The following KMT2A variants were observed in gnomAD, a reference collection of about 807,000 sequenced individuals.
KMT2A encodes the protein histone-lysine N-methyltransferase 2A.
In KMT2A, 16 loss-of-function variants were observed where a neutral mutation model predicts 345.3. The observed-to-expected ratio is 0.05, with a 90% confidence interval of 0.03 to 0.07. The LOEUF (loss-of-function observed/expected upper bound fraction) is 0.07. Among genes scored for constraint, KMT2A ranks in the 10% least tolerant of loss-of-function variants. The pLI is 1.00. For missense variants in KMT2A, 3,272 were observed against 4,841.6 expected, an observed-to-expected ratio of 0.68 and a Z score of 9.62; for synonymous variants, 1,599 against 1,778.6, an observed-to-expected ratio of 0.90 and a Z score of 2.54.
In KMT2A at chr11:118,476,714, A is replaced by C. The variant is rs1555037586; in HGVS notation, c.3157-91A>C. 1 of 1,002,158 alleles carries C rather than the reference A, an allele frequency of 1.0e-6. No homozygotes were observed. Among genetic ancestry groups the C allele is most frequent in the African/African-American group, 1.6e-5 (1 of 61,674 alleles). 62.1% of individuals were successfully genotyped at this position (1,002,158 alleles called of 1,614,324 possible). ...GAGTTGTGTGTTTTGATTCTAAATC[A>C]TACTGAAATTGATTAAGTATACCTT... On this transcript the variant is annotated intron_variant, in intron 3 of 35. Coordinates refer to ENST00000534358, the MANE Select transcript of KMT2A (RefSeq NM_001197104.2). This position sits in a 1 kb window ranked among gnomAD's most constrained non-coding sequence, Gnocchi z 4.1.
intron 1 of KMT2A, among the ~76,000 whole-genome samples, chr11:118,439,643 TA>T (rs1949274726): frequency 6.6e-6 from 1 of 152,268 alleles, no homozygotes; most frequent in Non-Finnish European, 1.5e-5. Context: ...GTATATAATG[TA>T]AAGCCTGTCA....
In KMT2A at chr11:118,504,732, A is replaced by C. The variant is rs782430428; in HGVS notation, c.8840A>C (p.Gln2947Pro). Residue 2947 changes from glutamine (Q) to proline (P), a missense_variant, in exon 27 of 36, where the codon CAG becomes CCG. Transcript: ENST00000534358. The surrounding 1 kb of genome is among the most constrained non-coding windows in gnomAD (Gnocchi z 6.4). ...ACCCGGAGTCCCACTGTCCCCAGCC[A>C]GAATCCCAGTAGACTAGCTGTTATC... Reference protein sequence around the residue: ...LTTRSPTVPSQNPSRLAVISD... With the variant: ...LTTRSPTVPSPNPSRLAVISD... 5 of 1,614,190 alleles carry C rather than the reference A, an allele frequency of 3.1e-6. No individual in the cohort carries two copies. The highest frequency in any genetic ancestry group is 4.2e-6 in the Non-Finnish European group (5 of 1,180,030).
intron 1 of KMT2A, among the ~76,000 whole-genome samples, chr11:118,462,708 G>A (rs1949768465): frequency 6.6e-6 from 1 of 152,120 alleles, no homozygotes; most frequent in South Asian, 2.1e-4. Flanking sequence ...ACAGGCGCCC[G>A]CCATCACGCC....
chr11:118,436,564 G>T lies in KMT2A; in HGVS notation c.52G>T (p.Gly18Cys), dbSNP rs1555138476. The part of the protein sequence containing the change: ...RFPARPGTTG[G>C]GGGGGRRGLG... ...CCCCGCCCGACCCGGGACCACCGGG[G>T]GCGGCGGCGGCGGGGGGCGCCGGGG... The change falls in exon 1 of 36, where the codon GGC becomes TGC. Residue 18 changes from glycine to cysteine, a missense_variant. Gly to Cys is a radical substitution (Grantham distance 159, BLOSUM62 -3). Transcript: ENST00000534358. This position sits in a 1 kb window ranked among gnomAD's most constrained non-coding sequence, Gnocchi z 6.9. 1 of 1,175,704 alleles carries T rather than the reference G, an allele frequency of 8.5e-7. No individual in the cohort carries two copies. 72.8% of individuals were successfully genotyped at this position (1,175,704 alleles called of 1,614,324 possible).
chr11:118,492,018 T>A, intron 15 of KMT2A, 90 bp downstream of exon 15: 1 of 878,666 alleles, frequency 1.1e-6, no homozygotes, highest in Non-Finnish European at 1.7e-6. Flanking sequence ...TCTCCTCACT[T>A]AATTTTTAGT....
chr11:118,495,026 A>G lies in KMT2A; in HGVS notation c.5363+259A>G, dbSNP rs1555043566. Among the ~76,000 whole-genome samples the G allele has an allele frequency of 6.6e-6, 1 of 152,218 alleles. No individual in the cohort carries two copies. The highest frequency in any genetic ancestry group is 2.4e-5 in the African/African-American group (1 of 41,464). On this transcript the variant is annotated intron_variant, in intron 18 of 35. Transcript: ENST00000534358. The surrounding 1 kb of genome is among the most constrained non-coding windows in gnomAD (Gnocchi z 4.1). ...TGTACAATACATGTGTGGTACAGCC[A>G]TGTAGCTGGCCTTGTTATAAATGGG...
intron 11 of KMT2A, among the ~76,000 whole-genome samples, chr11:118,489,067 C>T (rs1251327836): frequency 6.6e-6 from 1 of 151,510 alleles, no homozygotes. Flanking sequence ...ACTAAAAATA[C>T]AAAAAATTAG....
In KMT2A at chr11:118,473,718, G is replaced by A. The variant is rs2134270255; in HGVS notation, c.2559G>A (p.Lys853=). The change falls in exon 3 of 36, where the codon AAG becomes AAA. Residue 853 remains lysine (K), a synonymous_variant. Coordinates refer to ENST00000534358, the MANE Select transcript of KMT2A (RefSeq NM_001197104.2). This position sits in a 1 kb window ranked among gnomAD's most constrained non-coding sequence, Gnocchi z 5.2. ...CTGAAAGAGGGAGAAATAAAGACAAGGCCCCCGAGGAGCTGTCCAAAGATC... is the reference window on the plus strand; with the variant it reads ...CTGAAAGAGGGAGAAATAAAGACAAAGCCCCCGAGGAGCTGTCCAAAGATC... ...SQTERGRNKD[K]APEELSKDRD... is the part of the protein sequence containing the mutation. The A allele has an allele frequency of 1.2e-6, 2 of 1,614,118 alleles. No individual in the cohort carries two copies. Among genetic ancestry groups the A allele is most frequent in the Non-Finnish European group, 1.7e-6 (2 of 1,180,022 alleles).
At chr11:118,443,657 G>C (rs1949358937) in intron 1 of KMT2A, among the ~76,000 whole-genome samples, 1 of 149,786 alleles carries the variant, frequency 6.7e-6, no homozygotes, top group South Asian at 2.1e-4. Flanking sequence ...AAAGATATAA[G>C]AGTTAGTTGG....
rs782153029 is a variant in KMT2A, at chr11:118,495,834, A to G, written c.5498A>G (p.Lys1833Arg). 22 of 1,613,926 alleles carry G rather than the reference A, an allele frequency of 1.4e-5. No individual in the cohort carries two copies. The highest frequency in any genetic ancestry group is 1.7e-5 in the Non-Finnish European group (20 of 1,180,002). Residue 1833 changes from lysine to arginine, a missense_variant, in exon 19 of 36, where the codon AAA (lysine) becomes AGA (arginine). This residue lies in a region of KMT2A where 235 missense variants were observed against 503.4 expected (regional missense o/e 0.47). Coordinates refer to ENST00000534358, the MANE Select transcript of KMT2A (RefSeq NM_001197104.2). The surrounding 1 kb of genome is among the most constrained non-coding windows in gnomAD (Gnocchi z 4.1). ...MKKIIPAPKP[K>R]GPGEPDSPTP... ...AAAATCATTCCAGCTCCCAAACCCA[A>G]AGGTCCTGGAGAACCAGACTCACCA...
intron 1 of KMT2A, among the ~76,000 whole-genome samples, chr11:118,437,290 C>T (rs1429282139): frequency 1.3e-5 from 2 of 151,944 alleles, no homozygotes; most frequent in African/African-American, 2.4e-5. Flanking sequence ...AGATTCCTCC[C>T]TCCCTCCCTC....
Position 118,504,215 on chromosome 11 carries a change from G to C in KMT2A, c.8323G>C (p.Val2775Leu), listed in dbSNP as rs1414294798. Residue 2775 changes from valine (V) to leucine (L), a missense_variant, in exon 27 of 36, where the codon GTT becomes CTT. This residue lies in a region of KMT2A where 100 missense variants were observed against 101.3 expected (regional missense o/e 0.99). Transcript: ENST00000534358. The surrounding 1 kb of genome is among the most constrained non-coding windows in gnomAD (Gnocchi z 6.4). ...GEKEHVTKSS[V>L]GHKNEPKMDN... is the part of the protein sequence containing the mutation. Reference sequence around the variant, plus strand: ...GAAAGAACATGTCACTAAGAGTTCTGTTGGCCACAAAAATGAGCCAAAGAT... The same window carrying C: ...GAAAGAACATGTCACTAAGAGTTCTCTTGGCCACAAAAATGAGCCAAAGAT... 1.2e-6 allele frequency: 2 copies of C among 1,614,060 alleles called. No homozygotes were observed. The highest frequency in any genetic ancestry group is 1.7e-6 in the Non-Finnish European group (2 of 1,180,034).
At chr11:118,486,952 C>G (rs1390662512) in intron 10 of KMT2A, among the ~76,000 whole-genome samples, 10 of 152,152 alleles carry the variant, frequency 6.6e-5, no homozygotes, top group African/African-American at 2.4e-4. Flanking sequence ...GAATGTTGAG[C>G]AGTCAGTGAG....
intron 3 of KMT2A, among the ~76,000 whole-genome samples, chr11:118,475,127 C>G (rs782425462): frequency 3.9e-5 from 6 of 152,070 alleles, no homozygotes; most frequent in Non-Finnish European, 7.4e-5. Flanking sequence ...GAGTAAGTCT[C>G]TATCTCAAAA....
rs1591313916 is a variant in KMT2A, at chr11:118,522,982, C to T, written c.*810C>T. 4.5e-6 allele frequency: 1 copy of T among 224,186 alleles called. No individual in the cohort carries two copies. The highest frequency in any genetic ancestry group is 6.5e-5 in the East Asian group (1 of 15,468). 13.9% of individuals were successfully genotyped at this position (224,186 alleles called of 1,614,324 possible). A position where few individuals can be genotyped will look rare whatever the true frequency, so the allele number is the denominator to read the frequency against. On this transcript the variant is annotated 3_prime_UTR_variant, in exon 36 of 36. Transcript: ENST00000534358. This position sits in a 1 kb window ranked among gnomAD's most constrained non-coding sequence, Gnocchi z 5.4. ...CTGACTGCCTGCTCAAGGACACTCC[C>T]TGCTGGGCATAGGATGTGCCTGCAA...
Position 118,503,068 on chromosome 11 carries a change from A to C in KMT2A, c.7176A>C (p.Ala2392=). The part of the protein sequence containing the change: ...RDQHTDSTQS[A]NSSPDEDTEV... Reference sequence around the variant, plus strand: ...AACACACAGATTCTACCCAATCAGCAAACTCCTCTCCAGATGAAGATACTG... The same window carrying C: ...AACACACAGATTCTACCCAATCAGCCAACTCCTCTCCAGATGAAGATACTG... The change falls in exon 27 of 36, where the codon GCA becomes GCC. Residue 2392 remains alanine (A), a synonymous_variant. Transcript: ENST00000534358. The surrounding 1 kb of genome is among the most constrained non-coding windows in gnomAD (Gnocchi z 5.3). 1 of 1,613,090 alleles carries C rather than the reference A, an allele frequency of 6.2e-7. No individual in the cohort carries two copies. The highest frequency in any genetic ancestry group is 8.5e-7 in the Non-Finnish European group (1 of 1,179,990).
intron 1 of KMT2A, among the ~76,000 whole-genome samples, chr11:118,451,770 G>A (rs988044133): frequency 2.0e-5 from 3 of 151,806 alleles, no homozygotes; most frequent in African/African-American, 4.8e-5. Context: ...GGGATTATAG[G>A]TGCGACCCAC....
intron 1 of KMT2A, among the ~76,000 whole-genome samples, chr11:118,467,241 G>A (rs2134244892): frequency 6.6e-6 from 1 of 152,136 alleles, no homozygotes; most frequent in African/African-American, 2.4e-5. Context: ...GCTGAGCATG[G>A]TGACAAGGGC....
rs182676246 is a variant in KMT2A at position 118,472,731 on chromosome 11, T to A, written c.1572T>A (p.Asn524Lys). The A allele has an allele frequency of 1.9e-6, 3 of 1,613,550 alleles. No homozygotes were observed. The African/African-American group carries it at 4.0e-5, about 22-fold the overall frequency. ...CCCAGTCCCCAGAAAATGAGAGTAA[T>A]GATAGGAGAAGCAGAAGGTATTCAG... is the stretch of plus-strand genomic sequence containing the variant. ...PISQSPENES[N>K]DRRSRRYSVS... The change falls in exon 3 of 36, where the codon AAT becomes AAA. Residue 524 changes from asparagine to lysine, a missense_variant. Transcript: ENST00000534358.
Sources: allele counts gnomAD v4.1 joint callset (sites outside exome capture counted in the v4.1 genomes callset), GRCh38; gene constraint gnomAD v4.1.1; regional missense constraint gnomAD v4.1.1; non-coding constraint Gnocchi (gnomAD v3.1); transcripts MANE v1.5; gene names NCBI Gene and HGNC (gene_info 2026-07-23, HGNC 2026-07-21).